Variants in ARPP21 observed in about 807,000 individuals in gnomAD.
ARPP21 encodes cAMP regulated phosphoprotein 21.
In ARPP21, 69 loss-of-function variants were observed where a neutral mutation model predicts 113.2. The ratio of observed to expected loss-of-function variants is 0.61; its 90% CI spans 0.50 to 0.74. ARPP21 has a LOEUF of 0.74. Ranked by LOEUF, ARPP21 falls within the 30% of genes least tolerant of loss-of-function variation. The pLI, the probability that ARPP21 is intolerant of heterozygous loss-of-function variation, is 0.00. For synonymous variants in ARPP21, 368 were observed against 375.5 expected, an observed-to-expected ratio of 0.98 and a Z score of 0.23; for missense variants, 1,070 against 1,037.4, an observed-to-expected ratio of 1.03 and a Z score of -0.43.
chr3:35,769,481 A>C (rs1279318793), intron 19 of ARPP21, among the ~76,000 whole-genome samples: 1 of 152,152 alleles, frequency 6.6e-6, no homozygotes, highest in African/African-American at 2.4e-5. Context: ...TCTGCTATGC[A>C]GTCTAGGCAG....
intron 15 of ARPP21, among the ~76,000 whole-genome samples, chr3:35,733,379 T>C (rs1412157355): frequency 1.3e-5 from 2 of 152,182 alleles, no homozygotes; most frequent in Non-Finnish European, 2.9e-5. Context: ...CATTTAATCC[T>C]TTTCTCTGCG....
At chr3:35,735,781 C>T (rs1266274436) in intron 15 of ARPP21, among the ~76,000 whole-genome samples, 1 of 152,210 alleles carries the variant, frequency 6.6e-6, no homozygotes, top group Non-Finnish European at 1.5e-5. Context: ...TGCTCCTTTT[C>T]CAATAGGGTT....
intron 1 of ARPP21, among the ~76,000 whole-genome samples, chr3:35,660,891 A>T (rs1262700934): frequency 1.3e-5 from 2 of 152,122 alleles, no homozygotes; most frequent in Non-Finnish European, 2.9e-5. Context: ...ATAATGACTC[A>T]TTTGGAAGTC....
At chr3:35,786,490 T>A (rs182913937) in intron 19 of ARPP21, among the ~76,000 whole-genome samples, 2 of 149,300 alleles carry the variant, frequency 1.3e-5, no homozygotes, top group Admixed American at 1.3e-4. Context: ...ATTGCACCAC[T>A]GCACTCCAGC....
intron 1 of ARPP21, among the ~76,000 whole-genome samples, chr3:35,661,120 C>T (rs1225743399): frequency 2.0e-5 from 3 of 152,162 alleles, no homozygotes; most frequent in Non-Finnish European, 4.4e-5. Context: ...CCTAATTACA[C>T]ACATGATCAC....
chr3:35,651,314 A>C (rs989373434), intron 1 of ARPP21, among the ~76,000 whole-genome samples: 1 of 152,046 alleles, frequency 6.6e-6, no homozygotes, highest in African/African-American at 2.4e-5. Context: ...CTTGCTCTGA[A>C]ATACTGAGAA....
At chr3:35,668,983 C>A (rs1309818419) in intron 1 of ARPP21, among the ~76,000 whole-genome samples, 3 of 152,066 alleles carry the variant, frequency 2.0e-5, no homozygotes, top group Non-Finnish European at 4.4e-5. Context: ...TAGGTGCTAG[C>A]AATAAAGAAT....
At chr3:35,724,232 A>T (rs1387926911) in intron 14 of ARPP21, among the ~76,000 whole-genome samples, 4 of 152,234 alleles carry the variant, frequency 2.6e-5, no homozygotes, top group African/African-American at 9.6e-5. Context: ...TGCCTACCAG[A>T]TGCCCAACAC....
chr3:35,791,397 A>G (rs1301325327), intron 19 of ARPP21, among the ~76,000 whole-genome samples: 1 of 152,294 alleles, frequency 6.6e-6, no homozygotes, highest in African/African-American at 2.4e-5. Flanking sequence ...GGTGCTCTAC[A>G]TGGTTAATAA....
intron 15 of ARPP21, among the ~76,000 whole-genome samples, chr3:35,730,078 G>A (rs1300845751): frequency 2.6e-5 from 4 of 152,216 alleles, no homozygotes; most frequent in African/African-American, 9.6e-5. Context: ...AGAATACAGA[G>A]AGAAAATTAT....
chr3:35,721,683 C>T lies in ARPP21; in HGVS notation c.1074C>T (p.His358=). The T allele has an allele frequency of 6.2e-7, 1 of 1,613,952 alleles. No homozygotes were observed. Among genetic ancestry groups the T allele is most frequent in the Non-Finnish European group, 8.5e-7 (1 of 1,179,956 alleles). ...SSENELKWSD[H]QRAWSSTDSD... ...AAAATGAACTCAAGTGGTCTGACCA[C>T]CAAAGGGCCTGGAGCAGCACAGACT... The change falls in exon 14 of 21, where the codon CAC becomes CAT. Residue 358 remains histidine (H), a synonymous_variant. Coordinates refer to ENST00000684406, the MANE Select transcript of ARPP21 (RefSeq NM_001385562.1).
At chr3:35,746,542 C>T (rs1158940979) in intron 19 of ARPP21, among the ~76,000 whole-genome samples, 1 of 152,186 alleles carries the variant, frequency 6.6e-6, no homozygotes, top group African/African-American at 2.4e-5. Flanking sequence ...GCATGTCACC[C>T]TCCCACAGTC....
intron 19 of ARPP21, among the ~76,000 whole-genome samples, chr3:35,770,104 A>C (rs2151491908): frequency 6.6e-6 from 1 of 152,318 alleles, no homozygotes; most frequent in Non-Finnish European, 1.5e-5. Flanking sequence ...GTTGACTACA[A>C]AATACTCATT....
chr3:35,661,793 A>G (rs974773972), intron 1 of ARPP21, among the ~76,000 whole-genome samples: 1 of 152,146 alleles, frequency 6.6e-6, no homozygotes, highest in Non-Finnish European at 1.5e-5. Flanking sequence ...CCTTGACCTT[A>G]CTGAATTTTA....
Position 35,729,365 on chromosome 3 carries a change from C to T in ARPP21, c.1288C>T (p.Gln430Ter). The T allele has an allele frequency of 6.2e-7, 1 of 1,614,208 alleles. No individual in the cohort carries two copies. Among genetic ancestry groups the T allele is most frequent in the East Asian group, 2.2e-5 (1 of 44,868 alleles). Reference sequence around the variant, plus strand: ...GCTGTCCCGCACCCATCCACCTCTCCAGAGCACACCCCTAGTCTCAGGTGT... The same window carrying T: ...GCTGTCCCGCACCCATCCACCTCTCTAGAGCACACCCCTAGTCTCAGGTGT... ...GSLSRTHPPL[Q>*]STPLVSGVAA... Residue 430 changes from glutamine to a stop codon, truncating the protein, a stop_gained, in exon 15 of 21, where the codon CAG becomes TAG. Coordinates refer to ENST00000684406, the MANE Select transcript of ARPP21 (RefSeq NM_001385562.1). LOFTEE classifies it high-confidence loss of function.
At chr3:35,755,299 T>A (rs1016819043) in intron 19 of ARPP21, among the ~76,000 whole-genome samples, 3 of 152,020 alleles carry the variant, frequency 2.0e-5, no homozygotes, top group Non-Finnish European at 4.4e-5. Flanking sequence ...AAACAAAACT[T>A]TTTCATTGTC....
At chr3:35,697,822 T>G (rs778809039) in intron 9 of ARPP21, among the ~76,000 whole-genome samples, 1 of 151,672 alleles carries the variant, frequency 6.6e-6, no homozygotes, top group Non-Finnish European at 1.5e-5. Context: ...AAAATATGCT[T>G]TTCCTTCCGT....
chr3:35,753,945 T>C (rs1428473361), intron 19 of ARPP21, among the ~76,000 whole-genome samples: 7 of 151,328 alleles, frequency 4.6e-5, no homozygotes, highest in African/African-American at 1.5e-4. Context: ...ATTAATGTAA[T>C]TGTCAATGTA....
At chr3:35,717,245 G>T in intron 12 of ARPP21, 53 bp from the exon 13 acceptor site, 1 of 988,918 alleles carries the variant, frequency 1.0e-6, no homozygotes, top group Non-Finnish European at 1.6e-6. Context: ...TAAACACAAG[G>T]CATTTAGTAC....
Sources: allele counts gnomAD v4.1 joint callset (sites outside exome capture counted in the v4.1 genomes callset), GRCh38; gene constraint gnomAD v4.1.1; transcripts MANE v1.5; gene names NCBI Gene and HGNC (gene_info 2026-07-23, HGNC 2026-07-21).